CLEC9A: variants seen among roughly 807,000 people sequenced by gnomAD.
The protein encoded by CLEC9A is C-type lectin domain containing 9A, also known as C-type lectin domain family 9 member A.
In CLEC9A, 24 loss-of-function variants were observed where a neutral mutation model predicts 30.0. The ratio of observed to expected loss-of-function variants is 0.80; its 90% CI spans 0.58 to 1.13. CLEC9A has a LOEUF of 1.13. CLEC9A is among the 50% of genes most tolerant of loss of function. The pLI, the probability that CLEC9A is intolerant of heterozygous loss-of-function variation, is 0.00. For missense variants in CLEC9A, 251 were observed against 280.9 expected, an observed-to-expected ratio of 0.89 and a Z score of 0.76; for synonymous variants, 111 against 96.8, an observed-to-expected ratio of 1.15 and a Z score of -0.86.
chr12:10,047,060 C>G (rs972174705), intron 2 of CLEC9A, among the ~76,000 whole-genome samples: 7 of 152,098 alleles, frequency 4.6e-5, no homozygotes, highest in Non-Finnish European at 7.4e-5. Context: ...ACACTTGAAT[C>G]TTTATCTTTT....
chr12:10,055,966 G>A (rs1018867512), intron 5 of CLEC9A, among the ~76,000 whole-genome samples: 1 of 150,206 alleles, frequency 6.7e-6, no homozygotes, highest in Non-Finnish European at 1.5e-5. Context: ...GGCTGAGGAA[G>A]GGGAATTGCT....
At chr12:10,043,112 CTT>C (rs561318614) in intron 2 of CLEC9A, 26 of 241,178 alleles carry the variant, frequency 1.1e-4, no homozygotes, top group South Asian at 2.1e-4. Context: ...TGTAATCCAA[CTT>C]TTTTTTTTGT....
intron 5 of CLEC9A, among the ~76,000 whole-genome samples, chr12:10,059,631 A>G (rs1028938699): frequency 2.0e-5 from 3 of 152,158 alleles, no homozygotes; most frequent in Non-Finnish European, 4.4e-5. Context: ...GGGTAAAAAG[A>G]CTTGTTACAG....
intron 2 of CLEC9A, chr12:10,045,502 A>G (rs1865838778): frequency 4.2e-6 from 1 of 235,878 alleles, no homozygotes; most frequent in Non-Finnish European, 9.2e-6. Flanking sequence ...CTTTCTGAAG[A>G]TGGAAAAGGA....
intron 2 of CLEC9A, among the ~76,000 whole-genome samples, chr12:10,042,729 A>G (rs1364827900): frequency 6.6e-6 from 1 of 152,214 alleles, no homozygotes; most frequent in East Asian, 1.9e-4. Flanking sequence ...TCCCTTTGAG[A>G]AAGACATTAT....
At position 10,052,619 on chromosome 12, in the gene CLEC9A, C is replaced by G; in HGVS notation, c.-58-11C>G. ...TTTCAGTTCTTACACCAACCTGCTC[C>G]AAACCACAAGAGGAGTTACTTGTTC... On this transcript the variant is annotated splice_polypyrimidine_tract_variant and intron_variant, in intron 3 of 8. Transcript: ENST00000355819. 2 of 1,582,806 alleles carry G rather than the reference C, an allele frequency of 1.3e-6. No homozygotes were observed. The highest frequency in any genetic ancestry group is 1.7e-6 in the Non-Finnish European group (2 of 1,164,938).
intron 2 of CLEC9A, among the ~76,000 whole-genome samples, chr12:10,045,333 C>A (rs76676564): frequency 0.02 from 3,101 of 152,284 alleles, 114 homozygotes; most frequent in African/African-American, 0.071. Context: ...TACTACCAAG[C>A]AGGTTGGGAG....
intron 5 of CLEC9A, among the ~76,000 whole-genome samples, chr12:10,058,833 C>T (rs7297681): frequency 0.47 from 71,443 of 152,142 alleles, 20,372 homozygotes; most frequent in Middle Eastern, 0.7. Flanking sequence ...GCGAGAGCCA[C>T]CACGCCCAGC....
intron 1 of CLEC9A, among the ~76,000 whole-genome samples, chr12:10,033,536 C>G (rs545471817): frequency 1.3e-5 from 2 of 152,338 alleles, no homozygotes; most frequent in South Asian, 4.1e-4. Context: ...GTTTCTCCAT[C>G]TCGATAAATG....
At chr12:10,050,703 T>TA (rs1182296893) in intron 2 of CLEC9A, among the ~76,000 whole-genome samples, 2 of 152,198 alleles carry the variant, frequency 1.3e-5, no homozygotes, top group Non-Finnish European at 2.9e-5. Flanking sequence ...TTAGTGCTGA[T>TA]AAAATTTGAG....
chr12:10,052,873 G>T, intron 4 of CLEC9A, 95 bp downstream of exon 4: 1 of 1,363,886 alleles, frequency 7.3e-7, no homozygotes, highest in Non-Finnish European at 9.9e-7. Flanking sequence ...ATTCTAATCC[G>T]AGATAATCTA....
chr12:10,031,124 A>G (rs181644732), intron 1 of CLEC9A, among the ~76,000 whole-genome samples, 152 bp downstream of exon 1: 23 of 152,376 alleles, frequency 1.5e-4, no homozygotes, highest in African/African-American at 5.3e-4. Flanking sequence ...GAAATGTAAA[A>G]TAATATGAAG....
At chr12:10,050,486 G>A (rs1865883697) in intron 2 of CLEC9A, among the ~76,000 whole-genome samples, 1 of 152,074 alleles carries the variant, frequency 6.6e-6, no homozygotes, top group African/African-American at 2.4e-5. Context: ...TTGAGCTATT[G>A]GTAATAATCA....
intron 2 of CLEC9A, among the ~76,000 whole-genome samples, chr12:10,048,061 G>A (rs1293168594): frequency 6.0e-5 from 9 of 150,914 alleles, no homozygotes; most frequent in African/African-American, 1.5e-4. Context: ...GTGAAACCCC[G>A]TCTCTACTAA....
chr12:10,036,196 A>C (rs1287150251), intron 1 of CLEC9A, among the ~76,000 whole-genome samples: 1 of 152,110 alleles, frequency 6.6e-6, no homozygotes, highest in African/African-American at 2.4e-5. Flanking sequence ...TTCTGCCATA[A>C]TTTTGGTCTG....
chr12:10,054,179 T>A (rs1865919547), intron 4 of CLEC9A, 92 bp from the exon 5 acceptor site: 1 of 1,009,312 alleles, frequency 9.9e-7, no homozygotes, highest in African/African-American at 1.6e-5. Context: ...CCAATGTTAA[T>A]TCCTTCTTTT....
At chr12:10,047,307 G>C (rs2137303688) in intron 2 of CLEC9A, among the ~76,000 whole-genome samples, 1 of 152,284 alleles carries the variant, frequency 6.6e-6, no homozygotes, top group East Asian at 1.9e-4. Flanking sequence ...AAATGGAAAA[G>C]CATATGTTCA....
intron 2 of CLEC9A, among the ~76,000 whole-genome samples, chr12:10,049,523 A>G (rs1591889304): frequency 6.6e-6 from 1 of 152,318 alleles, no homozygotes; most frequent in East Asian, 1.9e-4. Flanking sequence ...TCTTAGCTTT[A>G]TCTTCTGGAT....
At chr12:10,057,276 C>T (rs1013956759) in intron 5 of CLEC9A, among the ~76,000 whole-genome samples, 13 of 151,922 alleles carry the variant, frequency 8.6e-5, no homozygotes, top group African/African-American at 3.1e-4. Context: ...TAAAATGTTA[C>T]ATCCAATTTT....
Sources: gnomAD v4.1 joint callset for allele counts (sites outside exome capture counted in the v4.1 genomes callset) on GRCh38, gnomAD v4.1.1 for gene constraint, MANE v1.5 for transcripts, NCBI Gene and HGNC (gene_info 2026-07-23, HGNC 2026-07-21) for gene names.